MET: variants seen among roughly 807,000 people sequenced by gnomAD.
The protein encoded by MET is MET proto-oncogene, receptor tyrosine kinase, also known as hepatocyte growth factor receptor.
In MET, 48 loss-of-function variants were observed where a neutral mutation model predicts 133.1. The observed-to-expected ratio is 0.36, with a 90% CI of 0.29 to 0.46. MET has a LOEUF of 0.46. Ranked by LOEUF, MET falls within the 20% of genes least tolerant of loss-of-function variation. MET has a pLI of 1.00. For synonymous variants in MET, 628 were observed against 616.5 expected (o/e 1.02, Z -0.28); for missense variants, 1,442 against 1,695.9 (o/e 0.85, Z 2.63).
chr7:116,782,390 T>C (rs1465226832), intron 18 of MET, among the ~76,000 whole-genome samples: 14 of 152,194 alleles, frequency 9.2e-5, no homozygotes, highest in Non-Finnish European at 1.9e-4. Context: ...CACACTGCAT[T>C]AGTGTTGGGG....
intron 5 of MET, among the ~76,000 whole-genome samples, chr7:116,742,523 T>C (rs1023340526): frequency 6.6e-5 from 10 of 152,250 alleles, no homozygotes; most frequent in African/African-American, 2.2e-4. Context: ...TCACAACAAT[T>C]TCATTTCAAA....
Position 116,796,033 on chromosome 7 carries a change from G to A in MET, c.4082G>A (p.Cys1361Tyr), listed in dbSNP as rs766190061. The A allele has an allele frequency of 6.2e-6, 10 of 1,614,026 alleles. No homozygotes were observed. The highest frequency in any genetic ancestry group is 7.6e-6 in the Non-Finnish European group (9 of 1,179,930). The stretch of plus-strand genomic sequence containing the variant: ...AACGCTACTTATGTGAACGTAAAAT[G>A]TGTCGCTCCGTATCCTTCTCTGTTG... ...HVNATYVNVK[C>Y]VAPYPSLLSS... The change falls in exon 21 of 21, where the codon TGT becomes TAT. Residue 1361 changes from cysteine (C) to tyrosine (Y), a missense_variant. Physicochemically the swap from Cys to Tyr is radical, Grantham distance 194 (BLOSUM62 -2). Coordinates refer to ENST00000397752, the MANE Select transcript of MET (RefSeq NM_000245.4).
chr7:116,688,102 C>T (rs1796624333), intron 1 of MET, among the ~76,000 whole-genome samples: 1 of 152,204 alleles, frequency 6.6e-6, no homozygotes, highest in Admixed American at 6.5e-5. Flanking sequence ...ATGTCTGATT[C>T]ATTCGTGAGT....
chr7:116,674,851 A>C (rs1796098595), intron 1 of MET, among the ~76,000 whole-genome samples: 1 of 152,224 alleles, frequency 6.6e-6, no homozygotes, highest in Non-Finnish European at 1.5e-5. Flanking sequence ...GATTCTCGCC[A>C]GAGCCATCTA....
chr7:116,754,090 A>G (rs369581100), intron 5 of MET, among the ~76,000 whole-genome samples: 16 of 151,790 alleles, frequency 1.1e-4, no homozygotes, highest in African/African-American at 3.9e-4. Flanking sequence ...AGCTAGGACT[A>G]TGCCACTGCA....
chr7:116,696,659 G>A (rs1007093696), intron 1 of MET, among the ~76,000 whole-genome samples: 1 of 152,142 alleles, frequency 6.6e-6, no homozygotes, highest in African/African-American at 2.4e-5. Flanking sequence ...TAAGATTTAG[G>A]CCATTTGCCT....
intron 10 of MET, 48 bp downstream of exon 10, chr7:116,759,538 T>A (rs2116939964): frequency 1.3e-6 from 2 of 1,589,570 alleles, no homozygotes; most frequent in Non-Finnish European, 1.7e-6. Context: ...CATCTTTGCC[T>A]CTAACCATGT....
chr7:116,712,260 C>T (rs1030856165), intron 2 of MET, among the ~76,000 whole-genome samples: 1 of 152,146 alleles, frequency 6.6e-6, no homozygotes, highest in African/African-American at 2.4e-5. Context: ...GGACATTTTT[C>T]CCTAGCCTTC....
At chr7:116,728,809 C>G (rs1056667134) in intron 2 of MET, among the ~76,000 whole-genome samples, 4 of 152,190 alleles carry the variant, frequency 2.6e-5, no homozygotes, top group African/African-American at 7.2e-5. Context: ...GACTCTCATT[C>G]ACACCCACCA....
At chr7:116,752,457 C>T (rs138981451) in intron 5 of MET, among the ~76,000 whole-genome samples, 2,896 of 152,314 alleles carry the variant, frequency 0.019, 54 homozygotes, top group Non-Finnish European at 0.028. Context: ...ACGCTCATTT[C>T]CTGCCCACAG....
chr7:116,679,311 G>A (rs947286606), intron 1 of MET, among the ~76,000 whole-genome samples: 2 of 152,112 alleles, frequency 1.3e-5, no homozygotes, highest in African/African-American at 4.8e-5. Context: ...TCTATTCTAA[G>A]TCAGTGACCT....
chr7:116,693,448 T>C (rs1796844638), intron 1 of MET, among the ~76,000 whole-genome samples: 1 of 152,186 alleles, frequency 6.6e-6, no homozygotes, highest in Admixed American at 6.5e-5. Flanking sequence ...TGGTTCAGCA[T>C]TATAATTTTC....
intron 2 of MET, among the ~76,000 whole-genome samples, chr7:116,701,173 G>T (rs1376885201): frequency 6.6e-6 from 1 of 152,140 alleles, no homozygotes; most frequent in Admixed American, 6.6e-5. Flanking sequence ...TTGATCACCT[G>T]GTCTGAGTGT....
rs576502224 is a variant in MET, at chr7:116,699,552, G to C, written c.468G>C (p.Ser156=). The C allele has an allele frequency of 4.3e-6, 7 of 1,613,982 alleles. No homozygotes were observed. The highest frequency in any genetic ancestry group is 5.9e-6 in the Non-Finnish European group (7 of 1,179,936). Residue 156 remains serine (S), a synonymous_variant, in exon 2 of 21, where the codon TCG becomes TCC. Transcript: ENST00000397752. ...FPHNHTADIQ[S]EVHCIFSPQI... Reference sequence around the variant, plus strand: ...ACAATCATACTGCTGACATACAGTCGGAGGTTCACTGCATATTCTCCCCAC... The same window carrying C: ...ACAATCATACTGCTGACATACAGTCCGAGGTTCACTGCATATTCTCCCCAC...
chr7:116,793,410 A>G (rs1354293833), intron 19 of MET, among the ~76,000 whole-genome samples: 15 of 151,330 alleles, frequency 9.9e-5, no homozygotes, highest in African/African-American at 3.4e-4. Flanking sequence ...CTTGACCTCA[A>G]GTGATCTGCC....
intron 5 of MET, 158 bp downstream of exon 5, chr7:116,741,183 A>C: frequency 1.2e-6 from 1 of 826,808 alleles, no homozygotes; most frequent in South Asian, 1.6e-5. Context: ...TCATCAGCTA[A>C]AGCACCATCT....
intron 19 of MET, among the ~76,000 whole-genome samples, chr7:116,791,350 T>A (rs1795485850): frequency 6.6e-6 from 1 of 152,278 alleles, no homozygotes; most frequent in African/African-American, 2.4e-5. Flanking sequence ...TTCAGCATCC[T>A]CTCCCGCACT....
chr7:116,757,541 T>G lies in MET; in HGVS notation c.1965+2T>G. 1 of 1,613,174 alleles carries G rather than the reference T, an allele frequency of 6.2e-7. No individual in the cohort carries two copies. Among genetic ancestry groups the G allele is most frequent in the Non-Finnish European group, 8.5e-7 (1 of 1,179,204 alleles). On this transcript the variant is annotated splice_donor_variant, in intron 7 of 20. Transcript: ENST00000397752. LOFTEE classifies it high-confidence loss of function. ...CAATACAGTACATTCTCCTATGTGG[T>G]AAGGAAGATTCTATCCTATCATGTT... is the stretch of plus-strand genomic sequence containing the variant.
At chr7:116,785,117 G>A (rs1438184442) in intron 19 of MET, among the ~76,000 whole-genome samples, 1 of 152,232 alleles carries the variant, frequency 6.6e-6, no homozygotes, top group East Asian at 1.9e-4. Context: ...AGGGCACGCT[G>A]ATGCAAGGGA....
Sources: gnomAD v4.1 joint callset for allele counts (sites outside exome capture counted in the v4.1 genomes callset) on GRCh38, gnomAD v4.1.1 for gene constraint, MANE v1.5 for transcripts, NCBI Gene and HGNC (gene_info 2026-07-23, HGNC 2026-07-21) for gene names.